The following DNER variants were observed in gnomAD, a reference collection of about 807,000 sequenced individuals.
DNER encodes the protein delta and Notch-like epidermal growth factor-related receptor.
A neutral mutation model predicts 78.2 loss-of-function variants in DNER; 33 were observed. The observed-to-expected ratio is 0.42, with a 90% confidence interval of 0.32 to 0.56. The LOEUF is 0.56. Ranked by LOEUF, DNER falls within the 20% of genes least tolerant of loss-of-function variation. DNER has a pLI of 0.11. For synonymous variants in DNER, 417 were observed against 384.8 expected, an observed-to-expected ratio of 1.08 and a Z score of -0.98; for missense variants, 918 against 975.3, an observed-to-expected ratio of 0.94 and a Z score of 0.78.
chr2:229,452,861 C>G (rs1488625144), intron 7 of DNER, among the ~76,000 whole-genome samples: 2 of 152,016 alleles, frequency 1.3e-5, no homozygotes, highest in Admixed American at 1.3e-4. Flanking sequence ...CTCCTGACCT[C>G]AAGTGATCCA....
chr2:229,594,134 T>C (rs954909917), intron 1 of DNER, among the ~76,000 whole-genome samples: 2 of 152,148 alleles, frequency 1.3e-5, no homozygotes, highest in African/African-American at 4.8e-5. Context: ...AGAAACCAGT[T>C]AAGCACGTGT....
intron 1 of DNER, among the ~76,000 whole-genome samples, chr2:229,614,222 TAAAAA>T (rs1698110231): frequency 1.3e-5 from 2 of 151,334 alleles, no homozygotes; most frequent in Admixed American, 6.6e-5. Flanking sequence ...AAATAAAAAA[TAAAAA>T]TAAATAAATT....
chr2:229,525,434 C>T (rs74536651), intron 5 of DNER, among the ~76,000 whole-genome samples: 2,788 of 152,078 alleles, frequency 0.018, 88 homozygotes, highest in African/African-American at 0.064. Flanking sequence ...CCATTGTTTT[C>T]CTATAGAAAT....
intron 11 of DNER, 21 bp downstream of exon 11, chr2:229,388,244 C>A (rs1394031844): frequency 4.4e-6 from 7 of 1,597,062 alleles, no homozygotes; most frequent in Middle Eastern, 1.7e-4. Context: ...ATAACAGTGG[C>A]TGAGCTGCAG....
intron 1 of DNER, among the ~76,000 whole-genome samples, chr2:229,674,380 G>C (rs1018813447): frequency 6.6e-6 from 1 of 152,198 alleles, no homozygotes; most frequent in Non-Finnish European, 1.5e-5. Flanking sequence ...CTGGGTTTAA[G>C]CGATTCTCCT....
chr2:229,495,482 C>T (rs564396173), intron 6 of DNER, among the ~76,000 whole-genome samples: 2 of 152,208 alleles, frequency 1.3e-5, no homozygotes, highest in South Asian at 2.1e-4. Flanking sequence ...CTAGCAGGCT[C>T]GAGACCCAAG....
At chr2:229,541,802 A>G (rs1487136372) in intron 5 of DNER, among the ~76,000 whole-genome samples, 1 of 150,706 alleles carries the variant, frequency 6.6e-6, no homozygotes, top group Admixed American at 6.6e-5. Flanking sequence ...ACTTGCCAAG[A>G]CTCCACAATT....
rs558171501 is a variant in DNER at position 229,622,387 on chromosome 2, A to G, written c.277-30499T>C. 2.0e-5 allele frequency among the ~76,000 whole-genome samples: 3 copies of G among 152,240 alleles called. No homozygotes were observed. In the East Asian group the frequency reaches 5.8e-4, roughly 29 times the overall value. ...CCAGACACAAAACCCTCAAATTCTCATAAATGAATAGCTGAAGCTTTGTCC... is the reference window on the plus strand; with the variant it reads ...CCAGACACAAAACCCTCAAATTCTCGTAAATGAATAGCTGAAGCTTTGTCC... On this transcript the variant is annotated intron_variant, in intron 1 of 12. Transcript: ENST00000341772.
intron 6 of DNER, among the ~76,000 whole-genome samples, chr2:229,497,574 C>T (rs1283346880): frequency 4.0e-5 from 6 of 150,478 alleles, no homozygotes; most frequent in African/African-American, 1.5e-4. Context: ...AAAAAGAAGA[C>T]TTAACTAAAT....
intron 1 of DNER, among the ~76,000 whole-genome samples, chr2:229,658,339 C>T (rs1043764534): frequency 3.3e-5 from 5 of 152,162 alleles, no homozygotes; most frequent in African/African-American, 1.2e-4. Context: ...GTCCTATTTA[C>T]CGTGGTTGAC....
intron 1 of DNER, among the ~76,000 whole-genome samples, chr2:229,593,769 A>C (rs1697653651): frequency 6.6e-6 from 1 of 152,100 alleles, no homozygotes; most frequent in South Asian, 2.1e-4. Flanking sequence ...CAAGAAGAAG[A>C]ATTTTATTCA....
chr2:229,557,101 C>T (rs1325684745), intron 4 of DNER, among the ~76,000 whole-genome samples: 1 of 152,096 alleles, frequency 6.6e-6, no homozygotes, highest in Non-Finnish European at 1.5e-5. Context: ...GGAACTGTGC[C>T]CCTTACAAAG....
At chr2:229,616,675 G>A (rs1698169500) in intron 1 of DNER, among the ~76,000 whole-genome samples, 1 of 152,212 alleles carries the variant, frequency 6.6e-6, no homozygotes, top group South Asian at 2.1e-4. Context: ...TGTCACGGGT[G>A]AAGTGAGGGA....
At chr2:229,406,693 C>T (rs960133911) in intron 10 of DNER, among the ~76,000 whole-genome samples, 1 of 152,152 alleles carries the variant, frequency 6.6e-6, no homozygotes, top group Non-Finnish European at 1.5e-5. Flanking sequence ...TGAAGAAGGA[C>T]CCCAAGTTAG....
chr2:229,559,453 G>C (rs1035861296), intron 4 of DNER, among the ~76,000 whole-genome samples: 2 of 152,124 alleles, frequency 1.3e-5, no homozygotes, highest in Non-Finnish European at 1.5e-5. Context: ...TCCCAAAGCA[G>C]AGTTATAAGG....
At chr2:229,406,241 TC>T (rs1300614579) in intron 10 of DNER, among the ~76,000 whole-genome samples, 1 of 152,154 alleles carries the variant, frequency 6.6e-6, no homozygotes, top group East Asian at 1.9e-4. Flanking sequence ...TGCTCTCCAG[TC>T]AATGATAACA....
chr2:229,478,925 C>CCAG lies in DNER; in HGVS notation c.1148-1675_1148-1673dup, dbSNP rs561199446. ...TCAACCCATCACCTAGGTATTAAGC[C>CCAG]CAGCATTCCTTAGCTGTTCTTCCTG... On this transcript the variant is annotated intron_variant, in intron 6 of 12. Transcript: ENST00000341772. Among the ~76,000 whole-genome samples the CCAG allele has an allele frequency of 6.0e-3, 913 of 152,146 alleles. 8 individuals are homozygous for CCAG. Among genetic ancestry groups the CCAG allele is most frequent in the Non-Finnish European group, 0.011 (763 of 68,008 alleles).
At chr2:229,710,668 T>A (rs1429426081) in intron 1 of DNER, among the ~76,000 whole-genome samples, 2 of 152,114 alleles carry the variant, frequency 1.3e-5, no homozygotes, top group Admixed American at 1.3e-4. Flanking sequence ...ATTTAAGATG[T>A]TTGCATGTGT....
At chr2:229,381,979 TC>T (rs1692747714) in intron 11 of DNER, among the ~76,000 whole-genome samples, 1 of 152,262 alleles carries the variant, frequency 6.6e-6, no homozygotes, top group Admixed American at 6.5e-5. Flanking sequence ...GAGAGACACC[TC>T]CCAGCAGGGA....
Sources: allele counts gnomAD v4.1 joint callset (sites outside exome capture counted in the v4.1 genomes callset), GRCh38; gene constraint gnomAD v4.1.1; transcripts MANE v1.5; gene names NCBI Gene and HGNC (gene_info 2026-07-23, HGNC 2026-07-21).